The following ANXA1 variants were observed in gnomAD, a reference collection of about 807,000 sequenced individuals.
ANXA1 encodes the protein annexin A1.
A neutral mutation model predicts 47.9 loss-of-function variants in ANXA1; 39 were observed. That is an observed-to-expected ratio of 0.81 (90% CI 0.63 to 1.06). The LOEUF is 1.06. Among genes scored for constraint, ANXA1 ranks in the 50% least tolerant of loss-of-function variants. The pLI, the probability that ANXA1 is intolerant of heterozygous loss-of-function variation, is 0.00. For synonymous variants in ANXA1, 146 were observed against 142.5 expected (o/e 1.02, Z -0.17); for missense variants, 446 against 422.7 (o/e 1.06, Z -0.48).
chr9:73,162,635 A>T (rs956006143), intron 6 of ANXA1, 147 bp from the exon 7 acceptor site: 8 of 517,926 alleles, frequency 1.5e-5, no homozygotes, highest in Non-Finnish European at 2.6e-5. Flanking sequence ...TTCTCTTCTT[A>T]TTTAAAAATG....
chr9:73,168,517 C>A (rs907345953), intron 11 of ANXA1: 1 of 152,272 alleles, frequency 6.6e-6, no homozygotes, highest in South Asian at 2.1e-4. Context: ...AAGAAGTAAC[C>A]CACACACAGG....
chr9:73,152,557 A>T (rs112143045), intron 1 of ANXA1, among the ~76,000 whole-genome samples: 1 of 152,180 alleles, frequency 6.6e-6, no homozygotes, highest in Non-Finnish European at 1.5e-5. Context: ...GTGTGGCCAC[A>T]TTCCTTTTCT....
chr9:73,159,144 T>G (rs1383117360), intron 3 of ANXA1, among the ~76,000 whole-genome samples, 185 bp from the exon 4 acceptor site: 1 of 152,244 alleles, frequency 6.6e-6, no homozygotes, highest in African/African-American at 2.4e-5. Flanking sequence ...CTCACTCGAA[T>G]GAAATGTCAT....
chr9:73,158,524 A>G lies in ANXA1; in HGVS notation c.-12A>G. On this transcript the variant is annotated splice_region_variant and 5_prime_UTR_variant, in exon 2 of 13. Coordinates refer to ENST00000257497, the MANE Select transcript of ANXA1 (RefSeq NM_000700.3). ...GCATCTAACTGTTTTCTTTCCAGAC[A>G]CTTTTTCAAAAATGGCAATGGTATC... 2.5e-6 allele frequency: 4 copies of G among 1,613,064 alleles called. No individual in the cohort carries two copies. The highest frequency in any genetic ancestry group is 1.1e-5 in the South Asian group (1 of 91,064).
chr9:73,167,827 G>T, intron 11 of ANXA1: 1 of 352,784 alleles, frequency 2.8e-6, no homozygotes, highest in South Asian at 7.2e-5. Context: ...ACCACGGGAA[G>T]GGTGATGTAC....
chr9:73,166,177 T>C lies in ANXA1; in HGVS notation c.787T>C (p.Cys263Arg). The change falls in exon 10 of 13, where the codon TGC becomes CGC. Residue 263 changes from cysteine (C) to arginine (R), a missense_variant. Physicochemically the swap from Cys to Arg is radical, Grantham distance 180 (BLOSUM62 -3). Transcript: ENST00000257497. ...DLELKGDIEK[C>R]LTAIVKCATS... ...GGAGTTGAAAGGTGACATTGAGAAA[T>C]GCCTCACAGCTATCGGTATGTAGTC... 6.2e-7 allele frequency: 1 copy of C among 1,611,814 alleles called. No homozygotes were observed. The highest frequency in any genetic ancestry group is 1.1e-5 in the South Asian group (1 of 90,920).
intron 4 of ANXA1, 77 bp from the exon 5 acceptor site, chr9:73,160,186 A>T (rs1042778263): frequency 2.0e-6 from 2 of 1,011,056 alleles, no homozygotes; most frequent in Non-Finnish European, 2.9e-6. Context: ...ACGATGACCT[A>T]AAGTCAGGTA....
intron 1 of ANXA1, among the ~76,000 whole-genome samples, chr9:73,153,207 C>G (rs1823997663): frequency 6.6e-6 from 1 of 152,154 alleles, no homozygotes; most frequent in Non-Finnish European, 1.5e-5. Flanking sequence ...AAGGAACCAG[C>G]CAGAGTTTCA....
At chr9:73,164,479 A>AC (rs1563963512) in intron 8 of ANXA1, among the ~76,000 whole-genome samples, 2 of 152,156 alleles carry the variant, frequency 1.3e-5, no homozygotes, top group Non-Finnish European at 2.9e-5. Flanking sequence ...TTCCATTTTA[A>AC]GACTATCAGG....
chr9:73,159,166 C>T (rs1398697913), intron 3 of ANXA1, among the ~76,000 whole-genome samples, 163 bp from the exon 4 acceptor site: 5 of 152,180 alleles, frequency 3.3e-5, no homozygotes, highest in African/African-American at 1.2e-4. Flanking sequence ...CTCCCAAGTG[C>T]TTCCTTGATA....
Position 73,160,260 on chromosome 9 carries a change from TAGCCCCTGG to T in ANXA1, c.271-1_278del. On this transcript the variant is annotated splice_acceptor_variant and coding_sequence_variant, in exon 5 of 13. Transcript: ENST00000257497. LOFTEE classifies it high-confidence loss of function. ...GTCCTGATTCTAATCTTTTTTTTTG[TAGCCCCTGG>T]ATGAAACACTGAAGAAAGCCCTTAC... 6.5e-7 allele frequency: 1 copy of T among 1,544,210 alleles called. No individual in the cohort carries two copies. Among genetic ancestry groups the T allele is most frequent in the South Asian group, 1.2e-5 (1 of 80,424 alleles).
rs778955601 is a variant in ANXA1 at position 73,166,196 on chromosome 9, T to C, written c.802+4T>C. 17 of 1,603,946 alleles carry C rather than the reference T, an allele frequency of 1.1e-5. No homozygotes were observed. Among genetic ancestry groups the C allele is most frequent in the Non-Finnish European group, 1.4e-5 (17 of 1,173,888 alleles). On this transcript the variant is annotated splice_donor_region_variant and intron_variant, in intron 10 of 12. Coordinates refer to ENST00000257497, the MANE Select transcript of ANXA1 (RefSeq NM_000700.3). Reference sequence around the variant, plus strand: ...GAGAAATGCCTCACAGCTATCGGTATGTAGTCCAGCAGTTGAAAGAGTTTT... The same window carrying C: ...GAGAAATGCCTCACAGCTATCGGTACGTAGTCCAGCAGTTGAAAGAGTTTT...
At chr9:73,160,516 A>T in intron 5 of ANXA1, 140 bp downstream of exon 5, 1 of 591,524 alleles carries the variant, frequency 1.7e-6, no homozygotes, top group Non-Finnish European at 2.9e-6. Context: ...TAATACCTCA[A>T]TGAAGGAATT....
chr9:73,167,559 T>G lies in ANXA1; in HGVS notation c.861+4T>G, dbSNP rs748513926. 1.1e-5 allele frequency: 17 copies of G among 1,613,062 alleles called. No homozygotes were observed. The highest frequency in any genetic ancestry group is 1.4e-5 in the Non-Finnish European group (17 of 1,179,212). On this transcript the variant is annotated splice_donor_region_variant and intron_variant, in intron 11 of 12. Transcript: ENST00000257497. ...GAAGCTTCATCAAGCCATGAAAGTA[T>G]GTACCATTCTACTTATATGTCCTGC...
In ANXA1 at chr9:73,165,122, T is replaced by C. The variant is rs1340469169; in HGVS notation, c.619T>C (p.Tyr207His). The change falls in exon 9 of 13, where the codon TAT (tyrosine) becomes CAT (histidine). Residue 207 changes from tyrosine (Y) to histidine (H), a missense_variant. Tyr to His is a moderately conservative substitution (Grantham distance 83, BLOSUM62 2). Coordinates refer to ENST00000257497, the MANE Select transcript of ANXA1 (RefSeq NM_000700.3). The part of the protein sequence containing the change: ...DLADSDARAL[Y>H]EAGERRKGTD... Reference sequence around the variant, plus strand: ...CTTTTGTGTTTCTTGACAGGCCTTGTATGAAGCAGGAGAAAGGAGAAAGGG... The same window carrying C: ...CTTTTGTGTTTCTTGACAGGCCTTGCATGAAGCAGGAGAAAGGAGAAAGGG... 2 of 1,612,384 alleles carry C rather than the reference T, an allele frequency of 1.2e-6. No individual in the cohort carries two copies. Among genetic ancestry groups the C allele is most frequent in the Non-Finnish European group, 1.7e-6 (2 of 1,178,862 alleles).
intron 1 of ANXA1, among the ~76,000 whole-genome samples, chr9:73,152,422 A>T (rs553550432): frequency 2.6e-5 from 4 of 152,214 alleles, no homozygotes; most frequent in Non-Finnish European, 4.4e-5. Context: ...AAGGAAAACA[A>T]GATAGATTCA....
rs781229810 is a variant in ANXA1 at position 73,160,827 on chromosome 9, C to G, written c.409C>G (p.Leu137Val). Residue 137 changes from leucine to valine, a missense_variant, in exon 6 of 13, where the codon CTA becomes GTA. Leu to Val is a conservative substitution (Grantham distance 32, BLOSUM62 1). Coordinates refer to ENST00000257497, the MANE Select transcript of ANXA1 (RefSeq NM_000700.3). ...MKGLGTDEDT[L>V]IEILASRTNK... ...GGGCCTTGGAACTGATGAAGATACT[C>G]TAATTGAGATTTTGGCATCAAGAAC... 12 of 1,612,376 alleles carry G rather than the reference C, an allele frequency of 7.4e-6. No homozygotes were observed. In the East Asian group the frequency reaches 2.2e-4, roughly 30 times the overall value.
Position 73,165,228 on chromosome 9 carries a change from T to A in ANXA1, c.706+19T>A, listed in dbSNP as rs200319341. On this transcript the variant is annotated intron_variant, in intron 9 of 12. Transcript: ENST00000257497. ...CGCAGAGGTAACAATAAATTTCTTTTTCTGGAATCTGTTTATGGAAGATGC... is the reference window on the plus strand; with the variant it reads ...CGCAGAGGTAACAATAAATTTCTTTATCTGGAATCTGTTTATGGAAGATGC... The A allele has an allele frequency of 6.9e-6, 11 of 1,598,594 alleles. No individual in the cohort carries two copies. The East Asian group carries it at 2.2e-4, about 33-fold the overall frequency.
intron 9 of ANXA1, 42 bp from the exon 10 acceptor site, chr9:73,166,055 A>G (rs1824223715): frequency 6.8e-7 from 1 of 1,471,096 alleles, no homozygotes; most frequent in African/African-American, 1.4e-5. Context: ...TTCTAAAGAA[A>G]AGGATGTTTT....
Sources: gnomAD v4.1 joint callset for allele counts (sites outside exome capture counted in the v4.1 genomes callset) on GRCh38, gnomAD v4.1.1 for gene constraint, MANE v1.5 for transcripts, NCBI Gene and HGNC (gene_info 2026-07-23, HGNC 2026-07-21) for gene names.